XYLT1: variants seen among roughly 807,000 people sequenced by gnomAD.
XYLT1 encodes the protein beta-D-xylosyltransferase 1.
A neutral mutation model predicts 91.3 loss-of-function variants in XYLT1; 36 were observed. The ratio of observed to expected loss-of-function variants is 0.39; its 90% CI spans 0.30 to 0.52. The LOEUF (loss-of-function observed/expected upper bound fraction) is 0.52. Among genes scored for constraint, XYLT1 ranks in the 20% least tolerant of loss-of-function variants. The probability of loss-of-function intolerance (pLI) is 0.68; values close to 1 mark genes in which losing one functional copy is unlikely to be tolerated. For synonymous variants in XYLT1, 588 were observed against 532.0 expected (o/e 1.11, Z -1.45); for missense variants, 1,242 against 1,284.5 (o/e 0.97, Z 0.51).
intron 2 of XYLT1, among the ~76,000 whole-genome samples, chr16:17,289,475 T>C (rs1267126323): frequency 6.6e-6 from 1 of 152,226 alleles, no homozygotes; most frequent in Non-Finnish European, 1.5e-5. Flanking sequence ...GGGGCTTTGT[T>C]TCCCCAGCGT....
At chr16:17,141,411 A>G (rs770355317) in intron 6 of XYLT1, 42 bp from the exon 7 acceptor site, 5 of 1,580,740 alleles carry the variant, frequency 3.2e-6, no homozygotes, top group Non-Finnish European at 4.3e-6. Context: ...GGTGTCCTGA[A>G]AGACAGAACT....
chr16:17,402,918 T>G (rs1035235850), intron 1 of XYLT1, among the ~76,000 whole-genome samples: 1 of 152,060 alleles, frequency 6.6e-6, no homozygotes, highest in Non-Finnish European at 1.5e-5. Context: ...TTAAAAATTT[T>G]TTGTAGAGAC....
At chr16:17,124,196 T>A (rs1239802258) in intron 10 of XYLT1, among the ~76,000 whole-genome samples, 2 of 152,230 alleles carry the variant, frequency 1.3e-5, no homozygotes, top group Non-Finnish European at 2.9e-5. Context: ...CCTTGGTTTG[T>A]TTCATTGTGT....
intron 1 of XYLT1, among the ~76,000 whole-genome samples, chr16:17,389,410 T>C (rs552565671): frequency 4.0e-4 from 61 of 152,332 alleles, no homozygotes; most frequent in African/African-American, 1.4e-3. Context: ...CACACCTCGC[T>C]ACTATTTTTG....
chr16:17,388,979 A>C (rs950789489), intron 1 of XYLT1, among the ~76,000 whole-genome samples: 2 of 152,158 alleles, frequency 1.3e-5, no homozygotes, highest in Non-Finnish European at 2.9e-5. Context: ...TAAGGTAACA[A>C]ATGGGAATAT....
intron 6 of XYLT1, among the ~76,000 whole-genome samples, chr16:17,151,077 A>G (rs2031270629): frequency 6.6e-6 from 1 of 152,170 alleles, no homozygotes; most frequent in South Asian, 2.1e-4. Flanking sequence ...TTGGATATGG[A>G]GGGAAACTCC....
intron 3 of XYLT1, among the ~76,000 whole-genome samples, chr16:17,209,860 T>C (rs1321483516): frequency 2.6e-5 from 4 of 152,234 alleles, no homozygotes; most frequent in African/African-American, 9.6e-5. Flanking sequence ...AACAGGGACC[T>C]GATCCTGAGG....
intron 1 of XYLT1, among the ~76,000 whole-genome samples, chr16:17,407,663 G>T (rs2036051219): frequency 6.6e-6 from 1 of 152,218 alleles, no homozygotes; most frequent in Non-Finnish European, 1.5e-5. Context: ...ACTGCATGGT[G>T]TTCAAGGAAG....
At chr16:17,298,285 G>T (rs9929487) in intron 2 of XYLT1, among the ~76,000 whole-genome samples, 93,169 of 151,896 alleles carry the variant, frequency 0.61, 30,418 homozygotes, top group African/African-American at 0.85. Flanking sequence ...GTGTCCAGTT[G>T]CAGGACCAAA....
At chr16:17,227,758 G>A (rs1567332103) in intron 3 of XYLT1, 1 of 152,386 alleles carries the variant, frequency 6.6e-6, no homozygotes, top group Non-Finnish European at 1.5e-5. Flanking sequence ...GCAGGAGAAA[G>A]AGTTGGGAAG....
chr16:17,297,759 C>A (rs911895107), intron 2 of XYLT1, among the ~76,000 whole-genome samples: 1 of 151,984 alleles, frequency 6.6e-6, no homozygotes, highest in African/African-American at 2.4e-5. Flanking sequence ...CGGTGGCTCA[C>A]GCCTGTAATC....
chr16:17,431,057 T>A (rs1440627565), intron 1 of XYLT1, among the ~76,000 whole-genome samples: 2 of 152,170 alleles, frequency 1.3e-5, no homozygotes, highest in East Asian at 3.9e-4. Flanking sequence ...GCATTTTCTG[T>A]AAAGATCCAG....
intron 4 of XYLT1, among the ~76,000 whole-genome samples, chr16:17,199,805 T>C (rs540508257): frequency 1.3e-5 from 2 of 152,298 alleles, no homozygotes; most frequent in East Asian, 1.9e-4. Context: ...TCTTTCTTTA[T>C]AAATTACTCA....
intron 1 of XYLT1, among the ~76,000 whole-genome samples, chr16:17,430,168 C>CT (rs1456413804): frequency 1.3e-5 from 2 of 151,974 alleles, no homozygotes; most frequent in Non-Finnish European, 2.9e-5. Context: ...AACTCCTGAC[C>CT]TCAAGTGATC....
At chr16:17,114,833 TTTTC>T (rs991117226) in intron 11 of XYLT1, among the ~76,000 whole-genome samples, 10 of 151,084 alleles carry the variant, frequency 6.6e-5, no homozygotes, top group African/African-American at 2.4e-4. Context: ...TACAATTTTT[TTTTC>T]TTTTTTGTTT....
At chr16:17,194,072 A>AT (rs916160397) in intron 5 of XYLT1, 2 of 152,222 alleles carry the variant, frequency 1.3e-5, no homozygotes, top group Non-Finnish European at 2.9e-5. Flanking sequence ...GGTTGCACGC[A>AT]TGGCCTGAGA....
At chr16:17,194,264 A>G (rs1380515792) in intron 5 of XYLT1, 1 of 152,240 alleles carries the variant, frequency 6.6e-6, no homozygotes, top group African/African-American at 2.4e-5. Flanking sequence ...TAAGTGGCAG[A>G]ACTCAGATTC....
chr16:17,224,949 C>T (rs2033036290), intron 3 of XYLT1, among the ~76,000 whole-genome samples: 1 of 152,096 alleles, frequency 6.6e-6, no homozygotes. Flanking sequence ...CAGACAAGAC[C>T]AAAACAAATG....
intron 1 of XYLT1, among the ~76,000 whole-genome samples, chr16:17,360,967 A>G (rs963831658): frequency 1.3e-5 from 2 of 152,156 alleles, no homozygotes; most frequent in African/African-American, 4.8e-5. Flanking sequence ...CATCTATTGC[A>G]ATGGCTCAGT....
Sources: gnomAD v4.1 joint callset for allele counts (sites outside exome capture counted in the v4.1 genomes callset) on GRCh38, gnomAD v4.1.1 for gene constraint, MANE v1.5 for transcripts, NCBI Gene and HGNC (gene_info 2026-07-23, HGNC 2026-07-21) for gene names.